The following RYR3 variants were observed in gnomAD, a reference collection of about 807,000 sequenced individuals.
RYR3 encodes brain ryanodine receptor-calcium release channel.
In RYR3, 207 loss-of-function variants were observed where a neutral mutation model predicts 584.3. The ratio of observed to expected loss-of-function variants is 0.35; its 90% CI spans 0.32 to 0.40. The LOEUF (loss-of-function observed/expected upper bound fraction) is 0.40, where lower values mean the gene tolerates loss of function less well. Ranked by LOEUF, RYR3 falls within the 10% of genes least tolerant of loss-of-function variation. RYR3 has a pLI of 1.00. For missense variants in RYR3, 5,616 were observed against 6,089.2 expected, an observed-to-expected ratio of 0.92 and a Z score of 2.59; for synonymous variants, 2,416 against 2,248.5, an observed-to-expected ratio of 1.07 and a Z score of -2.11.
chr15:33,860,277 A>AG (rs1165995962), intron 100 of RYR3, among the ~76,000 whole-genome samples: 3 of 152,172 alleles, frequency 2.0e-5, no homozygotes, highest in South Asian at 2.1e-4. Flanking sequence ...CTAGGAGAAG[A>AG]GGGAGAGCCT....
chr15:33,413,634 C>G (rs1051508223), intron 1 of RYR3, among the ~76,000 whole-genome samples: 5 of 152,188 alleles, frequency 3.3e-5, no homozygotes, highest in Non-Finnish European at 7.3e-5. Context: ...CAAAGTGGGT[C>G]AAATGTGTTT....
intron 3 of RYR3, among the ~76,000 whole-genome samples, chr15:33,517,799 C>G (rs1293647767): frequency 6.6e-6 from 1 of 152,138 alleles, no homozygotes; most frequent in Non-Finnish European, 1.5e-5. Context: ...CCCACTATGA[C>G]CCATCACAGG....
intron 1 of RYR3, among the ~76,000 whole-genome samples, chr15:33,361,749 C>T (rs1974794401): frequency 6.6e-6 from 1 of 152,184 alleles, no homozygotes; most frequent in South Asian, 2.1e-4. Flanking sequence ...CAGTGATACC[C>T]AAAACCTAGT....
At chr15:33,461,145 C>T (rs1199841455) in intron 1 of RYR3, among the ~76,000 whole-genome samples, 3 of 151,740 alleles carry the variant, frequency 2.0e-5, no homozygotes, top group Non-Finnish European at 2.9e-5. Flanking sequence ...GGGGTTTCAC[C>T]GTGTTAGCCA....
intron 2 of RYR3, among the ~76,000 whole-genome samples, chr15:33,493,022 G>A (rs1596356158): frequency 6.6e-6 from 1 of 152,234 alleles, no homozygotes; most frequent in East Asian, 1.9e-4. Flanking sequence ...GAATGGGAAA[G>A]GAATACATGG....
At chr15:33,428,680 C>G (rs1015036023) in intron 1 of RYR3, among the ~76,000 whole-genome samples, 1 of 151,992 alleles carries the variant, frequency 6.6e-6, no homozygotes, top group Non-Finnish European at 1.5e-5. Context: ...TACTTGATTC[C>G]TTATTTTCTA....
chr15:33,550,424 T>C, intron 10 of RYR3, 108 bp downstream of exon 10: 2 of 1,141,256 alleles, frequency 1.8e-6, no homozygotes, highest in Non-Finnish European at 2.4e-6. Context: ...AAAGTGAAAT[T>C]GGAAATTTGC....
chr15:33,498,220 G>A (rs1463588708), intron 2 of RYR3, among the ~76,000 whole-genome samples: 1 of 152,092 alleles, frequency 6.6e-6, no homozygotes, highest in Non-Finnish European at 1.5e-5. Context: ...TCAGTAGTGG[G>A]ATTGCTGGAT....
At chr15:33,848,733 G>T (rs12439280) in intron 94 of RYR3, among the ~76,000 whole-genome samples, 5 of 151,854 alleles carry the variant, frequency 3.3e-5, no homozygotes, top group Non-Finnish European at 5.9e-5. Flanking sequence ...GGGCTTAAGT[G>T]GCCAAGGCGT....
intron 93 of RYR3, 71 bp from the exon 94 acceptor site, chr15:33,848,220 G>T (rs1596998628): frequency 5.7e-6 from 9 of 1,589,986 alleles, no homozygotes; most frequent in Non-Finnish European, 7.7e-6. Flanking sequence ...GTTAATTTGT[G>T]ACAAATACCT....
intron 1 of RYR3, among the ~76,000 whole-genome samples, chr15:33,354,804 AC>A (rs1336880775): frequency 6.6e-6 from 1 of 152,150 alleles, no homozygotes; most frequent in Non-Finnish European, 1.5e-5. Context: ...AAGTAGTTGG[AC>A]TTTATTGGCC....
intron 94 of RYR3, chr15:33,849,340 C>T (rs1017038300): frequency 6.6e-6 from 1 of 152,140 alleles, no homozygotes; most frequent in Non-Finnish European, 1.5e-5. Context: ...GACACCAAGG[C>T]TCTGACGCTT....
chr15:33,542,483 A>G (rs1442448947), intron 7 of RYR3, among the ~76,000 whole-genome samples: 1 of 152,186 alleles, frequency 6.6e-6, no homozygotes, highest in African/African-American at 2.4e-5. Flanking sequence ...AAAGGAGGTT[A>G]TAACTCAGAT....
At chr15:33,795,185 A>G (rs1012286544) in intron 67 of RYR3, among the ~76,000 whole-genome samples, 1 of 152,096 alleles carries the variant, frequency 6.6e-6, no homozygotes, top group African/African-American at 2.4e-5. Flanking sequence ...GCCCTGCCAC[A>G]GCAGTGTGTA....
chr15:33,612,414 G>A lies in RYR3; in HGVS notation c.2165-769G>A, dbSNP rs60300762. The stretch of plus-strand genomic sequence containing the variant: ...TCACTCTTGTTGCCCAGGCTGGAGT[G>A]CAATGGCACGGTCTCGGCTCTCTGC... On this transcript the variant is annotated intron_variant, in intron 18 of 103. Coordinates refer to ENST00000634891, the MANE Select transcript of RYR3 (RefSeq NM_001036.6). Among the ~76,000 whole-genome samples the A allele has an allele frequency of 1.0e-3, 154 of 152,346 alleles. 1 individual carries two copies. The highest frequency in any genetic ancestry group is 3.4e-3 in the African/African-American group (141 of 41,578).
At position 33,750,481 on chromosome 15, in the gene RYR3, GACA is replaced by G. The variant is rs958949708; in HGVS notation, c.8399+200_8399+202del. Among the ~76,000 whole-genome samples the G allele has an allele frequency of 5.3e-5, 8 of 152,298 alleles. No individual in the cohort carries two copies. In the East Asian group the frequency reaches 9.6e-4, roughly 18 times the overall value. On this transcript the variant is annotated intron_variant, in intron 57 of 103. Transcript: ENST00000634891. ...TAGGTATTAATTTTTAAAGATCAGT[GACA>G]ACAAAGAATTATTACAAATTATACC... is the stretch of plus-strand genomic sequence containing the variant.
chr15:33,586,049 A>C lies in RYR3; in HGVS notation c.1721A>C (p.Asn574Thr). 1 of 1,613,774 alleles carries C rather than the reference A, an allele frequency of 6.2e-7. No individual in the cohort carries two copies. Among genetic ancestry groups the C allele is most frequent in the Non-Finnish European group, 8.5e-7 (1 of 1,179,698 alleles). Reference sequence around the variant, plus strand: ...TTAACTGAAAGCCCAGAAGCCTTAAATCTGATAGCGGAGGGCCACATCAAG... The same window carrying C: ...TTAACTGAAAGCCCAGAAGCCTTAACTCTGATAGCGGAGGGCCACATCAAG... ...CILTESPEAL[N>T]LIAEGHIKSI... is the part of the protein sequence containing the mutation. Residue 574 changes from asparagine (N) to threonine (T), a missense_variant, in exon 16 of 104, where the codon AAT becomes ACT. Physicochemically the swap from Asn to Thr is moderately conservative, Grantham distance 65. Transcript: ENST00000634891.
intron 1 of RYR3, among the ~76,000 whole-genome samples, chr15:33,379,666 C>CCTCTCTCTCTCTCTCTCTCTCTCT (rs72425368): frequency 2.5e-4 from 32 of 129,342 alleles, no homozygotes; most frequent in African/African-American, 3.0e-4. Flanking sequence ...TGTGTGTGTC[C>CCTCTCTCTCTCTCTCTCTCTCTCT]CTCTCTCTCT....
Position 33,633,126 on chromosome 15 carries a change from A to G in RYR3, c.3027+18A>G. ...TCCAACAGGTAAGAAATTCTGGGTC[A>G]GGCATGCTGGAAAACTTAGAAGATA... is the stretch of plus-strand genomic sequence containing the variant. On this transcript the variant is annotated intron_variant, in intron 24 of 103. Coordinates refer to ENST00000634891, the MANE Select transcript of RYR3 (RefSeq NM_001036.6). 1 of 1,609,512 alleles carries G rather than the reference A, an allele frequency of 6.2e-7. No homozygotes were observed. The highest frequency in any genetic ancestry group is 8.5e-7 in the Non-Finnish European group (1 of 1,177,054).
Sources: gnomAD v4.1 joint callset for allele counts (sites outside exome capture counted in the v4.1 genomes callset) on GRCh38, gnomAD v4.1.1 for gene constraint, MANE v1.5 for transcripts, NCBI Gene and HGNC (gene_info 2026-07-23, HGNC 2026-07-21) for gene names.